KIZ: variants seen among roughly 807,000 people sequenced by gnomAD.
KIZ encodes the protein centrosomal protein kizuna.
Under a neutral mutation model 79.6 loss-of-function variants are expected in KIZ, and 68 were observed. The ratio of observed to expected loss-of-function variants is 0.85; its 90% confidence interval spans 0.70 to 1.05. The LOEUF (loss-of-function observed/expected upper bound fraction) is 1.05. KIZ is among the 50% of genes least tolerant of loss of function. KIZ has a pLI of 0.00. For synonymous variants in KIZ, 280 were observed against 281.8 expected (o/e 0.99, Z 0.06); for missense variants, 797 against 800.4 (o/e 1.00, Z 0.05).
intron 8 of KIZ, 51 bp downstream of exon 8, chr20:21,214,751 C>A: frequency 8.2e-7 from 1 of 1,212,430 alleles, no homozygotes; most frequent in Non-Finnish European, 1.2e-6. Flanking sequence ...TCAGGGTCAT[C>A]ATCATCTTTC....
intron 4 of KIZ, among the ~76,000 whole-genome samples, chr20:21,150,424 A>G (rs1164382106): frequency 6.6e-6 from 1 of 152,190 alleles, no homozygotes; most frequent in Non-Finnish European, 1.5e-5. Flanking sequence ...TCAACTATAA[A>G]CAACACAAAA....
chr20:21,230,908 G>A (rs1477479683), intron 10 of KIZ, among the ~76,000 whole-genome samples: 1 of 152,190 alleles, frequency 6.6e-6, no homozygotes, highest in Admixed American at 6.5e-5. Context: ...TTACAAATGA[G>A]GCCCCAGGAG....
At chr20:21,223,574 C>G (rs1038422793) in intron 9 of KIZ, among the ~76,000 whole-genome samples, 1 of 151,392 alleles carries the variant, frequency 6.6e-6, no homozygotes, top group African/African-American at 2.4e-5. Flanking sequence ...TATCTTCCTG[C>G]CTTTTTAAAA....
intron 2 of KIZ, among the ~76,000 whole-genome samples, chr20:21,135,094 C>T (rs909293800): frequency 1.3e-5 from 2 of 152,176 alleles, no homozygotes; most frequent in Non-Finnish European, 2.9e-5. Context: ...CACGTATTTA[C>T]TTATTTCATT....
At chr20:21,239,736 ATCCTGAC>A (rs1435601665) in intron 11 of KIZ, among the ~76,000 whole-genome samples, 1 of 152,210 alleles carries the variant, frequency 6.6e-6, no homozygotes, top group Non-Finnish European at 1.5e-5. Flanking sequence ...GCACTGTGTC[ATCCTGAC>A]TCCACGTATA....
intron 10 of KIZ, among the ~76,000 whole-genome samples, chr20:21,230,760 A>G (rs1459867466): frequency 6.6e-6 from 1 of 152,220 alleles, no homozygotes; most frequent in African/African-American, 2.4e-5. Context: ...TGAGTTATAA[A>G]ACAGGGCCTC....
chr20:21,149,669 A>G (rs1001860887), intron 4 of KIZ, among the ~76,000 whole-genome samples: 1 of 152,232 alleles, frequency 6.6e-6, no homozygotes, highest in Non-Finnish European at 1.5e-5. Flanking sequence ...GAGATGATGG[A>G]AAGGGTTCTT....
At chr20:21,245,700 C>T (rs1204493968) in intron 12 of KIZ, 1 of 152,282 alleles carries the variant, frequency 6.6e-6, no homozygotes, top group Non-Finnish European at 1.5e-5. Flanking sequence ...TGTCTCTCTG[C>T]CTGAGGGCTT....
intron 12 of KIZ, chr20:21,244,622 G>T: frequency 3.7e-6 from 1 of 272,440 alleles, no homozygotes; most frequent in Non-Finnish European, 6.9e-6. Context: ...ATCCTCAGAA[G>T]CACCCATTGC....
chr20:21,205,209 G>A (rs1277342417), intron 6 of KIZ, among the ~76,000 whole-genome samples: 1 of 152,094 alleles, frequency 6.6e-6, no homozygotes, highest in Admixed American at 6.6e-5. Context: ...CATTTTTCCT[G>A]GACTCTGTAG....
chr20:21,136,504 T>A lies in KIZ; in HGVS notation c.267T>A (p.Ala89=). The part of the protein sequence containing the change: ...EYLKRFERVQ[A]HVVHFTTNTE... ...TAAAGCGATTTGAGCGTGTCCAAGC[T>A]CATGTTGTACACTTCACCACAAATA... The change falls in exon 3 of 13, where the codon GCT becomes GCA. Residue 89 remains alanine, a synonymous_variant. Coordinates refer to ENST00000619189, the MANE Select transcript of KIZ (RefSeq NM_018474.6). 6.2e-7 allele frequency: 1 copy of A among 1,603,378 alleles called. No homozygotes were observed. The highest frequency in any genetic ancestry group is 8.5e-7 in the Non-Finnish European group (1 of 1,174,232).
At position 21,214,703 on chromosome 20, in the gene KIZ, A is replaced by G. The variant is rs1324131533; in HGVS notation, c.1612+3A>G. On this transcript the variant is annotated splice_donor_region_variant and intron_variant, in intron 8 of 12. Transcript: ENST00000619189. ...CAGTGTTCCTACAAGGGAACAAGGT[A>G]ACTATTGTTAAAGTGTGTGTCCACA... 1 of 1,604,118 alleles carries G rather than the reference A, an allele frequency of 6.2e-7. No individual in the cohort carries two copies. The highest frequency in any genetic ancestry group is 2.2e-5 in the East Asian group (1 of 44,798).
intron 4 of KIZ, among the ~76,000 whole-genome samples, chr20:21,159,686 G>C (rs1237427801): frequency 6.6e-6 from 1 of 152,206 alleles, no homozygotes; most frequent in East Asian, 1.9e-4. Context: ...GATGTAACAG[G>C]TATCAGTAAT....
chr20:21,244,537 G>C (rs2037325789), intron 12 of KIZ: 1 of 516,258 alleles, frequency 1.9e-6, no homozygotes, highest in East Asian at 3.3e-5. Flanking sequence ...ATTTGCAGGG[G>C]ATCCTGGCCT....
In KIZ at chr20:21,162,256, A is replaced by G; in HGVS notation, c.791A>G (p.Asn264Ser). The part of the protein sequence containing the change: ...IGSNTRHGKS[N>S]LSEGKKSAEL... ...AGTAACACACGTCATGGCAAGAGTA[A>G]TTTATCTGAAGGCAAAAAGTCTGCT... The change falls in exon 5 of 13, where the codon AAT (asparagine) becomes AGT (serine). Residue 264 changes from asparagine to serine, a missense_variant. Transcript: ENST00000619189. 1 of 1,614,012 alleles carries G rather than the reference A, an allele frequency of 6.2e-7. No homozygotes were observed.
intron 7 of KIZ, among the ~76,000 whole-genome samples, chr20:21,206,132 G>A (rs138309878): frequency 2.2e-4 from 33 of 152,234 alleles, no homozygotes; most frequent in African/African-American, 7.2e-4. Context: ...AAATTTCAAA[G>A]CATCTTATAA....
rs983582490 is a variant in KIZ at position 21,126,104 on chromosome 20, A to G, written c.-12A>G. The G allele has an allele frequency of 3.3e-6, 5 of 1,508,438 alleles. No individual in the cohort carries two copies. The African/African-American group carries it at 4.3e-5, about 13-fold the overall frequency. The allele number at this position is 1,508,438 out of a possible 1,614,324, so 93.4% of individuals were successfully genotyped here. On this transcript the variant is annotated 5_prime_UTR_variant, in exon 1 of 13. Transcript: ENST00000619189. ...CCCAGAGGCTGTGCTGAGCTGGCGC[A>G]GCGGCAGCAGCATGAGCCGGACCCT...
chr20:21,195,166 T>A (rs1337438766), intron 6 of KIZ: 4 of 152,174 alleles, frequency 2.6e-5, no homozygotes, highest in Non-Finnish European at 5.9e-5. Flanking sequence ...GGTGATGAGA[T>A]GAGCTAGTCT....
Position 21,126,274 on chromosome 20 carries a change from TC to T in KIZ, c.89+72del. On this transcript the variant is annotated intron_variant, in intron 1 of 12. Transcript: ENST00000619189. ...GTCTTCCGCGTGCCCTGCCCCATTTTCCTTCCCGCTCCCCCGTCCGAGGTTC... is the reference window on the plus strand; with the variant it reads ...GTCTTCCGCGTGCCCTGCCCCATTTTCTTCCCGCTCCCCCGTCCGAGGTTC... The T allele has an allele frequency of 6.6e-6, 7 of 1,061,802 alleles. No individual in the cohort carries two copies. In the South Asian group the frequency reaches 1.4e-4, roughly 21 times the overall value. The allele number at this position is 1,061,802 out of a possible 1,614,324, so 65.8% of individuals were successfully genotyped here. A position where few individuals can be genotyped will look rare whatever the true frequency, so the allele number is the denominator to read the frequency against.
Sources: allele counts gnomAD v4.1 joint callset (sites outside exome capture counted in the v4.1 genomes callset), GRCh38; gene constraint gnomAD v4.1.1; transcripts MANE v1.5; gene names NCBI Gene and HGNC (gene_info 2026-07-23, HGNC 2026-07-21).